The following CXCL10 variants were observed in gnomAD, a reference collection of about 807,000 sequenced individuals.
CXCL10 encodes the protein C-X-C motif chemokine 10.
In CXCL10, 6 loss-of-function variants were observed where a neutral mutation model predicts 10.8. The observed-to-expected ratio is 0.55, with a 90% CI of 0.30 to 1.09. The LOEUF is 1.09. Among genes scored for constraint, CXCL10 ranks in the 50% least tolerant of loss-of-function variants. The probability of loss-of-function intolerance (pLI) is 0.06; values close to 1 mark genes in which losing one functional copy is unlikely to be tolerated. For synonymous variants in CXCL10, 35 were observed against 35.8 expected (o/e 0.98, Z 0.08); for missense variants, 114 against 114.3 (o/e 1.00, Z 0.01).
rs926332248 is a variant in CXCL10 at position 76,023,483 on chromosome 4, A to G, written c.-52T>C. 2 of 1,509,926 alleles carry G rather than the reference A, an allele frequency of 1.3e-6. No homozygotes were observed. The highest frequency in any genetic ancestry group is 1.4e-5 in the African/African-American group (1 of 72,766). The allele number at this position is 1,509,926 out of a possible 1,614,324, so 93.5% of individuals were successfully genotyped here. ...TGTAGGCTCAGAATATGTCTAAGCA[A>G]TTGAGGAATGTCTCAGAAAACGTGG... On this transcript the variant is annotated 5_prime_UTR_variant, in exon 1 of 4. Coordinates refer to ENST00000306602, the MANE Select transcript of CXCL10 (RefSeq NM_001565.4).
Position 76,023,392 on chromosome 4 carries a change from G to A in CXCL10, c.40C>T (p.Leu14=), listed in dbSNP as rs778072445. The change falls in exon 1 of 4, where the codon CTG becomes TTG. Residue 14 remains leucine, a synonymous_variant. Transcript: ENST00000306602. ...TTACCTTGAATGCCACTTAGAGTCAGAAAGATAAGGCAGCAAATCAGAATG... is the reference window on the plus strand; with the variant it reads ...TTACCTTGAATGCCACTTAGAGTCAAAAAGATAAGGCAGCAAATCAGAATG... ...TAILICCLIF[L]TLSGIQGVPL... 12 of 1,613,910 alleles carry A rather than the reference G, an allele frequency of 7.4e-6. No individual in the cohort carries two copies. Among genetic ancestry groups the A allele is most frequent in the Non-Finnish European group, 1.0e-5 (12 of 1,179,772 alleles).
chr4:76,023,089 A>G (rs562772344), intron 1 of CXCL10, among the ~76,000 whole-genome samples: 23 of 152,178 alleles, frequency 1.5e-4, no homozygotes, highest in Non-Finnish European at 2.4e-4. Flanking sequence ...AAGTATCTGT[A>G]TCTCATCTCT....
At position 76,021,163 on chromosome 4, in the gene CXCL10, A is replaced by G. The variant is rs1266524849; in HGVS notation, c.*767T>C. The G allele has an allele frequency of 1.3e-5, 2 of 152,292 alleles. No homozygotes were observed. Among genetic ancestry groups the G allele is most frequent in the Non-Finnish European group, 2.9e-5 (2 of 68,046 alleles). The allele number at this position is 152,292 out of a possible 1,614,324, so 9.4% of individuals were successfully genotyped here. A position where few individuals can be genotyped will look rare whatever the true frequency, so the allele number is the denominator to read the frequency against. On this transcript the variant is annotated 3_prime_UTR_variant, in exon 4 of 4. Coordinates refer to ENST00000306602, the MANE Select transcript of CXCL10 (RefSeq NM_001565.4). ...AACCTTTTGATCTTTCAACATTTAG[A>G]TAGTCTTTCTTAATATTTCCAGGAG...
In CXCL10 at chr4:76,021,949, C is replaced by G. The variant is rs1386730660; in HGVS notation, c.279-1G>C. 6.2e-7 allele frequency: 1 copy of G among 1,610,742 alleles called. No homozygotes were observed. The highest frequency in any genetic ancestry group is 1.3e-5 in the African/African-American group (1 of 74,812). On this transcript the variant is annotated splice_acceptor_variant, in intron 3 of 3. Transcript: ENST00000306602. LOFTEE classifies it high-confidence loss of function. Reference sequence around the variant, plus strand: ...CTGGTTTTAAGGAGATCTTTTAGACCTGTAAGAAGAGAAAGGGGATATAAA... The same window carrying G: ...CTGGTTTTAAGGAGATCTTTTAGACGTGTAAGAAGAGAAAGGGGATATAAA...
rs759807549 is a variant in CXCL10, at chr4:76,023,476, C to T, written c.-45G>A. On this transcript the variant is annotated 5_prime_UTR_variant, in exon 1 of 4. Coordinates refer to ENST00000306602, the MANE Select transcript of CXCL10 (RefSeq NM_001565.4). ...CCTCTGCTGTAGGCTCAGAATATGT[C>T]TAAGCAATTGAGGAATGTCTCAGAA... 1 of 1,548,536 alleles carries T rather than the reference C, an allele frequency of 6.5e-7. No homozygotes were observed. Among genetic ancestry groups the T allele is most frequent in the Admixed American group, 1.7e-5 (1 of 59,872 alleles).
At chr4:76,023,059 T>A (rs1483194539) in intron 1 of CXCL10, among the ~76,000 whole-genome samples, 1 of 152,226 alleles carries the variant, frequency 6.6e-6, no homozygotes, top group Non-Finnish European at 1.5e-5. Context: ...ATGTGGTTCA[T>A]TGAGCTTAGT....
At position 76,022,794 on chromosome 4, in the gene CXCL10, G is replaced by C; in HGVS notation, c.85C>G (p.Arg29Gly). ...TTACTAATGCTGATGCAGGTACAGCGTACAGTTCTAGAGAGAGGTACTCCT... is the reference window on the plus strand; with the variant it reads ...TTACTAATGCTGATGCAGGTACAGCCTACAGTTCTAGAGAGAGGTACTCCT... ...IQGVPLSRTV[R>G]CTCISISNQP... The change falls in exon 2 of 4, where the codon CGC (arginine) becomes GGC (glycine). Residue 29 changes from arginine (R) to glycine (G), a missense_variant. Arg to Gly is a moderately radical substitution (Grantham distance 125, BLOSUM62 -2). Coordinates refer to ENST00000306602, the MANE Select transcript of CXCL10 (RefSeq NM_001565.4). 5 of 1,611,540 alleles carry C rather than the reference G, an allele frequency of 3.1e-6. No homozygotes were observed. The highest frequency in any genetic ancestry group is 4.2e-6 in the Non-Finnish European group (5 of 1,179,740).
rs1367480487 is a variant in CXCL10 at position 76,021,944 on chromosome 4, T to C, written c.283A>G (p.Lys95Glu). Residue 95 changes from lysine to glutamate, a missense_variant, in exon 4 of 4, where the codon AAA (lysine) becomes GAA (glutamate). By Grantham distance (56) the Lys-to-Glu change is moderately conservative. Transcript: ENST00000306602. ...LLKAVSKERS[K>E]RSP ...CCCCTCTGGTTTTAAGGAGATCTTT[T>C]AGACCTGTAAGAAGAGAAAGGGGAT... 1 of 1,611,400 alleles carries C rather than the reference T, an allele frequency of 6.2e-7. No homozygotes were observed. Among genetic ancestry groups the C allele is most frequent in the Non-Finnish European group, 8.5e-7 (1 of 1,177,518 alleles).
In CXCL10 at chr4:76,021,245, G is replaced by C. The variant is rs2149370350; in HGVS notation, c.*685C>G. The C allele has an allele frequency of 6.6e-6, 1 of 152,270 alleles. No homozygotes were observed. Among genetic ancestry groups the C allele is most frequent in the South Asian group, 2.1e-4 (1 of 4,824 alleles). The allele number at this position is 152,270 out of a possible 1,614,324, so 9.4% of individuals were successfully genotyped here. A position where few individuals can be genotyped will look rare whatever the true frequency, so the allele number is the denominator to read the frequency against. ...GCACATTTATCTTATGTAACATGCA[G>C]AGCATATATCTATCTGTATTTTTAA... On this transcript the variant is annotated 3_prime_UTR_variant, in exon 4 of 4. Transcript: ENST00000306602.
rs902101671 is a variant in CXCL10, at chr4:76,021,759, C to A, written c.*171G>T. The A allele has an allele frequency of 4.3e-5, 30 of 694,866 alleles. No individual in the cohort carries two copies. The highest frequency in any genetic ancestry group is 3.7e-4 in the African/African-American group (21 of 56,394). The allele number at this position is 694,866 out of a possible 1,614,324, so 43.0% of individuals were successfully genotyped here. On this transcript the variant is annotated 3_prime_UTR_variant, in exon 4 of 4. Transcript: ENST00000306602. ...AGGATGATGAACATTAACCTTCCTA[C>A]AGGAGTAGTAGCAGCTGATTTGGTG...
At chr4:76,022,492 G>A (rs188708798) in intron 2 of CXCL10, 37 bp from the exon 3 acceptor site, 1,023 of 1,583,170 alleles carry the variant, frequency 6.5e-4, no homozygotes, top group Admixed American at 8.2e-4. Flanking sequence ...ATTTAAAACT[G>A]TGTTGGGTCA....
chr4:76,022,021 G>C, intron 3 of CXCL10, 73 bp from the exon 4 acceptor site: 1 of 1,338,624 alleles, frequency 7.5e-7, no homozygotes. Context: ...TGTTTGGAAA[G>C]TACCGAGTTC....
chr4:76,022,103 A>G (rs890185678), intron 3 of CXCL10, among the ~76,000 whole-genome samples, 155 bp from the exon 4 acceptor site: 1 of 152,200 alleles, frequency 6.6e-6, no homozygotes, highest in Non-Finnish European at 1.5e-5. Context: ...TTTTTCAACC[A>G]TGAAAGACTT....
Position 76,021,365 on chromosome 4 carries a change from T to C in CXCL10, c.*565A>G, listed in dbSNP as rs1249453585. 1.3e-5 allele frequency: 2 copies of C among 152,814 alleles called. No individual in the cohort carries two copies. The highest frequency in any genetic ancestry group is 2.9e-5 in the Non-Finnish European group (2 of 68,508). The allele number at this position is 152,814 out of a possible 1,614,324, so 9.5% of individuals were successfully genotyped here. On this transcript the variant is annotated 3_prime_UTR_variant, in exon 4 of 4. Transcript: ENST00000306602. ...AGGAAATATATACATCTAAGACTTC[T>C]ACTTTGTACAGTCTTTCATTAAATA...
At position 76,021,758 on chromosome 4, in the gene CXCL10, A is replaced by G; in HGVS notation, c.*172T>C. 1 of 693,660 alleles carries G rather than the reference A, an allele frequency of 1.4e-6. No individual in the cohort carries two copies. Among genetic ancestry groups the G allele is most frequent in the Middle Eastern group, 2.5e-4 (1 of 4,010 alleles). The allele number at this position is 693,660 out of a possible 1,614,324, so 43.0% of individuals were successfully genotyped here. A position where few individuals can be genotyped will look rare whatever the true frequency, so the allele number is the denominator to read the frequency against. Reference sequence around the variant, plus strand: ...TAGGATGATGAACATTAACCTTCCTACAGGAGTAGTAGCAGCTGATTTGGT... The same window carrying G: ...TAGGATGATGAACATTAACCTTCCTGCAGGAGTAGTAGCAGCTGATTTGGT... On this transcript the variant is annotated 3_prime_UTR_variant, in exon 4 of 4. Transcript: ENST00000306602.
chr4:76,023,077 G>A (rs944557310), intron 1 of CXCL10, among the ~76,000 whole-genome samples: 1 of 152,152 alleles, frequency 6.6e-6, no homozygotes, highest in African/African-American at 2.4e-5. Context: ...AGTTAGGTAA[G>A]GAAGTATCTG....
intron 3 of CXCL10, 45 bp downstream of exon 3, chr4:76,022,321 C>T: frequency 6.7e-7 from 1 of 1,495,510 alleles, no homozygotes; most frequent in Non-Finnish European, 9.3e-7. Flanking sequence ...CCCAAGATTG[C>T]CGTTTCCTAA....
intron 2 of CXCL10, 108 bp from the exon 3 acceptor site, chr4:76,022,563 T>C: frequency 6.8e-7 from 1 of 1,476,858 alleles, no homozygotes; most frequent in Non-Finnish European, 9.3e-7. Flanking sequence ...CTGCATGTTT[T>C]TGTTTGCTGT....
In CXCL10 at chr4:76,021,739, G is replaced by A; in HGVS notation, c.*191C>T. Reference sequence around the variant, plus strand: ...GAGTTATTACTGAATAGCTTAGGATGATGAACATTAACCTTCCTACAGGAG... The same window carrying A: ...GAGTTATTACTGAATAGCTTAGGATAATGAACATTAACCTTCCTACAGGAG... On this transcript the variant is annotated 3_prime_UTR_variant, in exon 4 of 4. Transcript: ENST00000306602. 7 of 651,390 alleles carry A rather than the reference G, an allele frequency of 1.1e-5. No individual in the cohort carries two copies. Among genetic ancestry groups the A allele is most frequent in the South Asian group, 9.2e-5 (5 of 54,386 alleles). 40.4% of individuals were successfully genotyped at this position (651,390 alleles called of 1,614,324 possible). A position where few individuals can be genotyped will look rare whatever the true frequency, so the allele number is the denominator to read the frequency against.
Sources: gnomAD v4.1 joint callset for allele counts (sites outside exome capture counted in the v4.1 genomes callset) on GRCh38, gnomAD v4.1.1 for gene constraint, MANE v1.5 for transcripts, NCBI Gene and HGNC (gene_info 2026-07-23, HGNC 2026-07-21) for gene names.